The following LGR6 variants were observed in gnomAD, a reference collection of about 807,000 sequenced individuals.
LGR6 encodes leucine rich repeat containing G protein-coupled receptor 6.
A neutral mutation model predicts 69.4 loss-of-function variants in LGR6; 45 were observed. That is an observed-to-expected ratio of 0.65 (90% CI 0.51 to 0.83). The LOEUF (loss-of-function observed/expected upper bound fraction) is 0.83, where lower values mean the gene tolerates loss of function less well. Among genes scored for constraint, LGR6 ranks in the 40% least tolerant of loss-of-function variants. The pLI, the probability that LGR6 is intolerant of heterozygous loss-of-function variation, is 0.00. For synonymous variants in LGR6, 538 were observed against 555.0 expected (o/e 0.97, Z 0.43); for missense variants, 1,108 against 1,246.7 (o/e 0.89, Z 1.68).
chr1:202,317,972 T>A lies in LGR6; in HGVS notation c.1669T>A (p.Tyr557Asn). ...TACAGGCCCCTTCAAGCCCTGTGAG[T>A]ACCTCTTTGAAAGCTGGGGCATCCG... ...PTPGPFKPCE[Y>N]LFESWGIRLA... Residue 557 changes from tyrosine to asparagine, a missense_variant, in exon 18 of 18, where the codon TAC becomes AAC. Tyr to Asn is a moderately radical substitution (Grantham distance 143). Coordinates refer to ENST00000367278, the MANE Select transcript of LGR6 (RefSeq NM_001017403.2). The A allele has an allele frequency of 1.2e-6, 2 of 1,612,514 alleles. No individual in the cohort carries two copies. The highest frequency in any genetic ancestry group is 1.7e-6 in the Non-Finnish European group (2 of 1,179,124).
At chr1:202,301,710 C>T (rs1321248272) in intron 9 of LGR6, among the ~76,000 whole-genome samples, 1 of 152,074 alleles carries the variant, frequency 6.6e-6, no homozygotes, top group Non-Finnish European at 1.5e-5. Flanking sequence ...AGCCCAAGTC[C>T]CACTTCTTCA....
At chr1:202,242,524 G>A (rs936312981) in intron 4 of LGR6, among the ~76,000 whole-genome samples, 1 of 152,218 alleles carries the variant, frequency 6.6e-6, no homozygotes, top group Non-Finnish European at 1.5e-5. Flanking sequence ...TAGAGGTACA[G>A]GAACTTCCTA....
chr1:202,310,795 G>T (rs566619021), intron 16 of LGR6, among the ~76,000 whole-genome samples: 2 of 152,106 alleles, frequency 1.3e-5, no homozygotes, highest in South Asian at 4.1e-4. Flanking sequence ...CAGAAAAAAA[G>T]AATCCCCTCA....
In LGR6 at chr1:202,276,417, G is replaced by T; in HGVS notation, c.540G>T (p.Arg180Ser). ...DDNALTEIPV[R>S]ALNNLPALQA... ...ATGCACTCACGGAGATCCCTGTCAGGGCCCTCAACAACCTCCCTGCCCTGC... is the reference window on the plus strand; with the variant it reads ...ATGCACTCACGGAGATCCCTGTCAGTGCCCTCAACAACCTCCCTGCCCTGC... Residue 180 changes from arginine (R) to serine (S), a missense_variant, in exon 5 of 18, where the codon AGG becomes AGT. Arg to Ser is a moderately radical substitution (Grantham distance 110). Transcript: ENST00000367278. 6.2e-7 allele frequency: 1 copy of T among 1,614,130 alleles called. No homozygotes were observed. The highest frequency in any genetic ancestry group is 1.3e-5 in the African/African-American group (1 of 75,050).
chr1:202,298,959 C>T lies in LGR6; in HGVS notation c.785+1383C>T, dbSNP rs1192838967. On this transcript the variant is annotated intron_variant, in intron 7 of 17. Transcript: ENST00000367278. The stretch of plus-strand genomic sequence containing the variant: ...GGCAGCACATAGGGGACAACTGGAC[C>T]ACCTAGAGGAAATAGTCTGGCCGGG... 4.6e-5 allele frequency among the ~76,000 whole-genome samples: 7 copies of T among 151,874 alleles called. No homozygotes were observed. The East Asian group carries it at 1.4e-3, about 30-fold the overall frequency.
intron 4 of LGR6, among the ~76,000 whole-genome samples, chr1:202,274,785 T>G (rs1368716445): frequency 6.6e-6 from 1 of 152,174 alleles, no homozygotes; most frequent in Non-Finnish European, 1.5e-5. Flanking sequence ...GAGAACCATG[T>G]CCAAGGTGAC....
At chr1:202,307,511 G>A (rs914250686) in intron 14 of LGR6, 110 bp downstream of exon 14, 1 of 854,920 alleles carries the variant, frequency 1.2e-6, no homozygotes. Flanking sequence ...ATATCCCAGG[G>A]AGATGGGCCT....
chr1:202,236,856 C>CA (rs1280646959), intron 4 of LGR6, among the ~76,000 whole-genome samples: 2 of 152,128 alleles, frequency 1.3e-5, no homozygotes, highest in Non-Finnish European at 2.9e-5. Context: ...CTCATATTCT[C>CA]AGACTTTGGC....
intron 1 of LGR6, among the ~76,000 whole-genome samples, chr1:202,198,653 C>A (rs1329127168): frequency 6.8e-6 from 1 of 147,014 alleles, no homozygotes; most frequent in African/African-American, 2.6e-5. Context: ...CTACTGGGAA[C>A]CAGAGTAATT....
At chr1:202,284,027 A>G (rs1277362933) in intron 6 of LGR6, among the ~76,000 whole-genome samples, 2 of 152,048 alleles carry the variant, frequency 1.3e-5, no homozygotes, top group African/African-American at 4.8e-5. Context: ...GCTCTCTTTT[A>G]CTCCAAAAGA....
At chr1:202,220,003 C>A (rs1020086938) in intron 1 of LGR6, among the ~76,000 whole-genome samples, 1 of 151,948 alleles carries the variant, frequency 6.6e-6, no homozygotes, top group Non-Finnish European at 1.5e-5. Context: ...CTCAGCCTCC[C>A]AAGTAGCTGG....
chr1:202,198,667 GGTTTTTTTTTTTTT>G (rs1382363076), intron 1 of LGR6, among the ~76,000 whole-genome samples: 1 of 88,012 alleles, frequency 1.1e-5, no homozygotes. Flanking sequence ...AGTAATTTTA[GGTTTTTTTTTTTTT>G]TTTTTTTTTT....
At chr1:202,229,337 T>C (rs1660820722) in intron 3 of LGR6, among the ~76,000 whole-genome samples, 1 of 152,216 alleles carries the variant, frequency 6.6e-6, no homozygotes, top group South Asian at 2.1e-4. Flanking sequence ...TGCCTCTCAG[T>C]TCTGCTTCTT....
intron 6 of LGR6, among the ~76,000 whole-genome samples, chr1:202,293,945 C>T (rs1436507718): frequency 6.6e-6 from 1 of 152,188 alleles, no homozygotes; most frequent in Admixed American, 6.5e-5. Context: ...CAATGGATTG[C>T]CTGGACATGG....
rs548084921 is a variant in LGR6, at chr1:202,318,424, A to G, written c.2121A>G (p.Ser707=). The stretch of plus-strand genomic sequence containing the variant: ...TGGCCGCCGCGCTGCCCCTGGCCTC[A>G]GTGGGAGAATACGGGGCCTCCCCAC... ...AGLAAALPLA[S]VGEYGASPLC... is the part of the protein sequence containing the mutation. Residue 707 remains serine (S), a synonymous_variant, in exon 18 of 18, where the codon TCA becomes TCG. Transcript: ENST00000367278. 1.7e-4 allele frequency: 272 copies of G among 1,610,670 alleles called. 1 individual carries two copies. In the East Asian group the frequency reaches 5.9e-3, roughly 35 times the overall value.
chr1:202,280,796 C>T lies in LGR6; in HGVS notation c.660C>T (p.Asn220=), dbSNP rs1665941564. The T allele has an allele frequency of 6.2e-7, 1 of 1,614,230 alleles. No homozygotes were observed. Among genetic ancestry groups the T allele is most frequent in the East Asian group, 2.2e-5 (1 of 44,886 alleles). ...TSLVVLHLHN[N]RIQHLGTHSF... ...TCCCGTGCAGGCATTTGCATAACAA[C>T]CGCATCCAGCATCTGGGGACCCACA... Residue 220 remains asparagine, a synonymous_variant, in exon 6 of 18, where the codon AAC becomes AAT. Transcript: ENST00000367278.
At position 202,297,537 on chromosome 1, in the gene LGR6, T is replaced by C. The variant is rs1446646755; in HGVS notation, c.746T>C (p.Phe249Ser). The C allele has an allele frequency of 6.2e-7, 1 of 1,614,058 alleles. No individual in the cohort carries two copies. Among genetic ancestry groups the C allele is most frequent in the Admixed American group, 1.7e-5 (1 of 60,000 alleles). ...LDLNYNKLQEFPVAIRTLGRL... is the reference protein window; with the variant it reads ...LDLNYNKLQESPVAIRTLGRL... ...CTGAATTATAACAAGCTGCAGGAGT[T>C]CCCTGTGGCCATCCGGACCCTGGGC... The change falls in exon 7 of 18, where the codon TTC (phenylalanine) becomes TCC (serine). Residue 249 changes from phenylalanine to serine, a missense_variant. Phe to Ser is a radical substitution (Grantham distance 155, BLOSUM62 -2). Coordinates refer to ENST00000367278, the MANE Select transcript of LGR6 (RefSeq NM_001017403.2).
chr1:202,285,517 C>A (rs1192347266), intron 6 of LGR6, among the ~76,000 whole-genome samples: 1 of 152,228 alleles, frequency 6.6e-6, no homozygotes, highest in Non-Finnish European at 1.5e-5. Flanking sequence ...TAATAGTTTT[C>A]AATTGAGAAG....
chr1:202,301,599 G>A (rs1667599724), intron 9 of LGR6, among the ~76,000 whole-genome samples: 1 of 152,210 alleles, frequency 6.6e-6, no homozygotes, highest in African/African-American at 2.4e-5. Flanking sequence ...TGGTTCTCCT[G>A]TGGCCTTGGA....
Sources: allele counts gnomAD v4.1 joint callset (sites outside exome capture counted in the v4.1 genomes callset), GRCh38; gene constraint gnomAD v4.1.1; transcripts MANE v1.5; gene names NCBI Gene and HGNC (gene_info 2026-07-23, HGNC 2026-07-21).